STPG4: variants seen among roughly 807,000 people sequenced by gnomAD.
The protein encoded by STPG4 is protein STPG4.
Under a neutral mutation model 31.5 loss-of-function variants are expected in STPG4, and 41 were observed. The ratio of observed to expected loss-of-function variants is 1.30; its 90% CI spans 1.01 to 1.69. STPG4 has a LOEUF of 1.69. STPG4 is among the 40% of genes most tolerant of loss of function. The probability of loss-of-function intolerance (pLI) is 0.00; values close to 1 mark genes in which losing one functional copy is unlikely to be tolerated. For synonymous variants in STPG4, 141 were observed against 103.0 expected (o/e 1.37, Z -2.24); for missense variants, 375 against 293.4 (o/e 1.28, Z -2.03).
intron 5 of STPG4, among the ~76,000 whole-genome samples, chr2:47,099,344 C>G (rs1053929564): frequency 6.6e-6 from 1 of 152,238 alleles, no homozygotes; most frequent in Non-Finnish European, 1.5e-5. Flanking sequence ...CTCCCACTTC[C>G]CCAGGCTGCT....
intron 5 of STPG4, among the ~76,000 whole-genome samples, chr2:47,127,291 C>T (rs112012023): frequency 1.3e-4 from 8 of 62,976 alleles, no homozygotes; most frequent in African/African-American, 7.6e-4. Context: ...TTTTTTGAGA[C>T]AGAGTCTTAC....
intron 3 of STPG4, among the ~76,000 whole-genome samples, chr2:47,145,220 C>A (rs965352940): frequency 2.8e-4 from 43 of 152,134 alleles, no homozygotes; most frequent in African/African-American, 1.0e-3. Context: ...TGGAAGAATC[C>A]AGGGGTCAAA....
intron 5 of STPG4, among the ~76,000 whole-genome samples, chr2:47,099,271 T>A (rs1685738695): frequency 6.6e-6 from 1 of 152,210 alleles, no homozygotes; most frequent in Admixed American, 6.5e-5. Context: ...CACAATGGTT[T>A]GAAATCTGAG....
intron 5 of STPG4, among the ~76,000 whole-genome samples, chr2:47,092,302 G>A (rs976172614): frequency 2.0e-5 from 3 of 149,270 alleles, no homozygotes; most frequent in African/African-American, 7.4e-5. Flanking sequence ...GGCCAAGGCT[G>A]GTGGATCACT....
At chr2:47,108,359 A>G (rs1171519822) in intron 5 of STPG4, 1 of 152,584 alleles carries the variant, frequency 6.6e-6, no homozygotes, top group Non-Finnish European at 1.5e-5. Context: ...CTTTGGGTCC[A>G]TACTGCTTTT....
chr2:47,095,353 T>C (rs1033163718), intron 5 of STPG4, among the ~76,000 whole-genome samples: 1 of 152,096 alleles, frequency 6.6e-6, no homozygotes, highest in Non-Finnish European at 1.5e-5. Flanking sequence ...GAAAACACCA[T>C]GTGAAAACAA....
intron 1 of STPG4, among the ~76,000 whole-genome samples, chr2:47,153,490 C>T (rs531749508): frequency 5.3e-5 from 8 of 152,324 alleles, no homozygotes; most frequent in African/African-American, 1.4e-4. Context: ...TGGTGGCTCA[C>T]GCCTGTAATC....
chr2:47,098,789 A>G (rs563981256), intron 5 of STPG4, among the ~76,000 whole-genome samples: 7 of 149,086 alleles, frequency 4.7e-5, no homozygotes, highest in Admixed American at 3.3e-4. Context: ...AGCAAGGAGG[A>G]CAGAATCCTG....
At chr2:47,092,668 A>G (rs1349382927) in intron 5 of STPG4, among the ~76,000 whole-genome samples, 1 of 150,774 alleles carries the variant, frequency 6.6e-6, no homozygotes, top group Non-Finnish European at 1.5e-5. Flanking sequence ...AGGGTAGAGG[A>G]GAGAGAGCCA....
chr2:47,139,656 G>A (rs944038383), intron 3 of STPG4, among the ~76,000 whole-genome samples: 9 of 151,820 alleles, frequency 5.9e-5, no homozygotes, highest in Non-Finnish European at 4.4e-5. Context: ...TAGATCTCAC[G>A]AATCAGATCC....
chr2:47,112,721 G>A (rs1015591563), intron 5 of STPG4, among the ~76,000 whole-genome samples: 1 of 152,018 alleles, frequency 6.6e-6, no homozygotes, highest in Non-Finnish European at 1.5e-5. Flanking sequence ...AAGTCAACAG[G>A]GCTCAAATGA....
At chr2:47,123,630 G>A (rs1470740567) in intron 5 of STPG4, among the ~76,000 whole-genome samples, 3 of 152,068 alleles carry the variant, frequency 2.0e-5, no homozygotes, top group East Asian at 1.9e-4. Context: ...TAAAGGAGCC[G>A]AACATTTTCT....
At chr2:47,110,207 A>T (rs1686008011) in intron 5 of STPG4, among the ~76,000 whole-genome samples, 1 of 152,250 alleles carries the variant, frequency 6.6e-6, no homozygotes, top group Non-Finnish European at 1.5e-5. Context: ...AGTAGCAGAA[A>T]GTGGGACTAT....
At chr2:47,136,812 A>T (rs1239020416) in intron 3 of STPG4, among the ~76,000 whole-genome samples, 1 of 152,236 alleles carries the variant, frequency 6.6e-6, no homozygotes, top group African/African-American at 2.4e-5. Context: ...CAGTATATAG[A>T]AAAGTAATCG....
intron 1 of STPG4, among the ~76,000 whole-genome samples, chr2:47,153,447 T>C (rs1411192036): frequency 6.6e-6 from 1 of 152,134 alleles, no homozygotes; most frequent in Admixed American, 6.6e-5. Flanking sequence ...ACTACCAGAG[T>C]TGGCATGAGA....
At chr2:47,107,662 C>G (rs555325418) in intron 5 of STPG4, among the ~76,000 whole-genome samples, 1 of 152,146 alleles carries the variant, frequency 6.6e-6, no homozygotes, top group Non-Finnish European at 1.5e-5. Context: ...CTGAGGAGTG[C>G]GGGCACATGG....
chr2:47,147,564 AG>A (rs1246104532), intron 3 of STPG4, among the ~76,000 whole-genome samples: 3 of 152,198 alleles, frequency 2.0e-5, no homozygotes, highest in Admixed American at 1.3e-4. Context: ...AAAACATCTA[AG>A]GAGTGAGTGG....
intron 6 of STPG4, among the ~76,000 whole-genome samples, chr2:47,088,523 C>T (rs369292806): frequency 5.3e-5 from 8 of 152,206 alleles, no homozygotes; most frequent in East Asian, 1.9e-4. Context: ...ACCCATCAAA[C>T]GGGGCAGAGT....
intron 3 of STPG4, among the ~76,000 whole-genome samples, chr2:47,134,082 C>G (rs1394469585): frequency 1.5e-5 from 2 of 133,816 alleles, no homozygotes; most frequent in Non-Finnish European, 3.5e-5. Context: ...TTATTTAGAA[C>G]AGTTTTAGGG....
Sources: gnomAD v4.1 joint callset for allele counts (sites outside exome capture counted in the v4.1 genomes callset) on GRCh38, gnomAD v4.1.1 for gene constraint, MANE v1.5 for transcripts, NCBI Gene and HGNC (gene_info 2026-07-23, HGNC 2026-07-21) for gene names.